SAV1: variants seen among roughly 807,000 people sequenced by gnomAD.
The protein encoded by SAV1 is protein salvador homolog 1.
Under a neutral mutation model 47.3 loss-of-function variants are expected in SAV1, and 23 were observed. The observed-to-expected ratio is 0.49, with a 90% CI of 0.35 to 0.69. The LOEUF is 0.69. SAV1 is among the 30% of genes least tolerant of loss of function. The pLI, the probability that SAV1 is intolerant of heterozygous loss-of-function variation, is 0.01. For synonymous variants in SAV1, 155 were observed against 159.2 expected (o/e 0.97, Z 0.20); for missense variants, 448 against 457.4 (o/e 0.98, Z 0.19).
chr14:50,652,077 T>C (rs973502201), intron 2 of SAV1, among the ~76,000 whole-genome samples: 4 of 152,154 alleles, frequency 2.6e-5, no homozygotes, highest in Non-Finnish European at 4.4e-5. Flanking sequence ...AGCAAATGAA[T>C]AGTTACATAA....
intron 1 of SAV1, among the ~76,000 whole-genome samples, chr14:50,666,617 C>T (rs1275563405): frequency 6.6e-6 from 1 of 151,822 alleles, no homozygotes; most frequent in African/African-American, 2.4e-5. Context: ...CAAAACTGCA[C>T]GTTCTACACA....
intron 2 of SAV1, among the ~76,000 whole-genome samples, chr14:50,646,109 C>T (rs559418707): frequency 6.6e-5 from 10 of 152,220 alleles, no homozygotes; most frequent in South Asian, 2.1e-4. Context: ...CAAGACCTCC[C>T]GTAGATGCCT....
chr14:50,655,672 T>C (rs1348172649), intron 2 of SAV1, among the ~76,000 whole-genome samples: 2 of 151,730 alleles, frequency 1.3e-5, no homozygotes, highest in Admixed American at 1.3e-4. Flanking sequence ...GTGATCCATC[T>C]GTCTTGGCCT....
rs535769761 is a variant in SAV1, at chr14:50,644,975, G to C, written c.575C>G (p.Thr192Ser). The C allele has an allele frequency of 1.2e-6, 2 of 1,613,012 alleles. No homozygotes were observed. The highest frequency in any genetic ancestry group is 1.3e-5 in the African/African-American group (1 of 75,042). The change falls in exon 3 of 5, where the codon ACT (threonine) becomes AGT (serine). Residue 192 changes from threonine to serine, a missense_variant. Coordinates refer to ENST00000324679, the MANE Select transcript of SAV1 (RefSeq NM_021818.4). ...RVAATSLGNL[T>S]NHGSEDLPLP... ...GGGTAAATCTTCAGAACCATGGTTA[G>C]TCAAATTTCCTAAAGATGTAGCAGC...
Position 50,665,615 on chromosome 14 carries a change from A to G in SAV1, c.99T>C (p.Leu33=). ...KKETSPLLRN[L]MPSFIRHGPT... is the part of the protein sequence containing the mutation. ...GACCATGCCGGATGAATGAAGGCAT[A>G]AGATCTACAATAAAACAAAGGATAA... The change falls in exon 2 of 5, where the codon CTT becomes CTC. Residue 33 remains leucine (L), a synonymous_variant. Transcript: ENST00000324679. 6.3e-7 allele frequency: 1 copy of G among 1,594,392 alleles called. No individual in the cohort carries two copies.
At chr14:50,642,161 T>C (rs185050876) in intron 3 of SAV1, among the ~76,000 whole-genome samples, 36 of 152,092 alleles carry the variant, frequency 2.4e-4, no homozygotes, top group Non-Finnish European at 4.4e-4. Flanking sequence ...TGAGTACACA[T>C]GGACACAAAG....
intron 2 of SAV1, among the ~76,000 whole-genome samples, chr14:50,655,042 CT>C (rs2039800883): frequency 6.6e-6 from 1 of 152,240 alleles, no homozygotes; most frequent in South Asian, 2.1e-4. Flanking sequence ...CAAAACAAGC[CT>C]TTTGGTGAAA....
chr14:50,650,778 T>C (rs748741515), intron 2 of SAV1, among the ~76,000 whole-genome samples: 40 of 152,174 alleles, frequency 2.6e-4, no homozygotes, highest in South Asian at 6.2e-4. Context: ...TCCCAGCACT[T>C]TGGGAGGCCA....
intron 4 of SAV1, among the ~76,000 whole-genome samples, chr14:50,638,561 C>T (rs1001448156): frequency 1.3e-5 from 2 of 152,236 alleles, no homozygotes; most frequent in South Asian, 4.2e-4. Flanking sequence ...TGCACCCACC[C>T]GCCATAACAC....
intron 3 of SAV1, among the ~76,000 whole-genome samples, chr14:50,642,182 T>G (rs1052309893): frequency 6.6e-6 from 1 of 152,004 alleles, no homozygotes; most frequent in Non-Finnish European, 1.5e-5. Flanking sequence ...AAGGGAACAA[T>G]AAACATTGAG....
chr14:50,663,058 G>A (rs1158305884), intron 2 of SAV1: 2 of 152,094 alleles, frequency 1.3e-5, no homozygotes, highest in African/African-American at 2.4e-5. Flanking sequence ...CTGAAGTATA[G>A]GTCAAGTCCT....
chr14:50,667,370 T>C (rs1474878188), intron 1 of SAV1: 1 of 454,968 alleles, frequency 2.2e-6, no homozygotes, highest in East Asian at 7.0e-5. Flanking sequence ...AGAACGACGG[T>C]ATGCTTTTCA....
intron 2 of SAV1, among the ~76,000 whole-genome samples, chr14:50,652,696 CATG>C (rs1403520583): frequency 1.3e-5 from 2 of 152,098 alleles, no homozygotes; most frequent in Non-Finnish European, 2.9e-5. Flanking sequence ...AGGGAAAATA[CATG>C]ATAATATGGA....
chr14:50,650,716 A>G (rs1268242674), intron 2 of SAV1, among the ~76,000 whole-genome samples: 1 of 152,198 alleles, frequency 6.6e-6, no homozygotes, highest in Non-Finnish European at 1.5e-5. Flanking sequence ...CAGCCTTGTG[A>G]GTGAACTTAG....
chr14:50,644,231 C>A lies in SAV1; in HGVS notation c.806+513G>T, dbSNP rs1289111942. Among the ~76,000 whole-genome samples the A allele has an allele frequency of 2.6e-5, 4 of 152,312 alleles. No individual in the cohort carries two copies. The East Asian group carries it at 7.7e-4, about 29-fold the overall frequency. ...CCCAGCCCAGTATCAATCAAAACAG[C>A]ACAAAGAATTACTGGCTATATTTAT... On this transcript the variant is annotated intron_variant, in intron 3 of 4. Coordinates refer to ENST00000324679, the MANE Select transcript of SAV1 (RefSeq NM_021818.4).
At chr14:50,653,492 A>G (rs558360104) in intron 2 of SAV1, among the ~76,000 whole-genome samples, 2 of 152,352 alleles carry the variant, frequency 1.3e-5, no homozygotes, top group South Asian at 4.1e-4. Context: ...GAGATATTTC[A>G]GGTTTGGTTC....
chr14:50,650,395 G>A (rs2039757822), intron 2 of SAV1, among the ~76,000 whole-genome samples: 1 of 152,190 alleles, frequency 6.6e-6, no homozygotes, highest in African/African-American at 2.4e-5. Flanking sequence ...GATGTATTAT[G>A]TGAAAAAAGA....
At chr14:50,637,320 A>C (rs2039642383) in intron 4 of SAV1, among the ~76,000 whole-genome samples, 1 of 152,190 alleles carries the variant, frequency 6.6e-6, no homozygotes, top group Admixed American at 6.5e-5. Context: ...CTCCATGAAG[A>C]AACAGTTATA....
chr14:50,664,011 G>C (rs1302330608), intron 2 of SAV1, among the ~76,000 whole-genome samples: 1 of 152,084 alleles, frequency 6.6e-6, no homozygotes, highest in African/African-American at 2.4e-5. Context: ...TTAATCTAAA[G>C]GCCAAGCTCA....
Sources: allele counts gnomAD v4.1 joint callset (sites outside exome capture counted in the v4.1 genomes callset), GRCh38; gene constraint gnomAD v4.1.1; transcripts MANE v1.5; gene names NCBI Gene and HGNC (gene_info 2026-07-23, HGNC 2026-07-21).